Variants in SAG observed in about 807,000 individuals in gnomAD.
SAG encodes S-antigen visual arrestin, also known as S-arrestin.
Under a neutral mutation model 55.0 loss-of-function variants are expected in SAG, and 45 were observed. The observed-to-expected ratio is 0.82, with a 90% CI of 0.64 to 1.05. The LOEUF (loss-of-function observed/expected upper bound fraction) is 1.05, where lower values mean the gene tolerates loss of function less well. Among genes scored for constraint, SAG ranks in the 50% least tolerant of loss-of-function variants. The pLI is 0.00. For missense variants in SAG, 455 were observed against 512.1 expected, an observed-to-expected ratio of 0.89 and a Z score of 1.08; for synonymous variants, 189 against 197.4, an observed-to-expected ratio of 0.96 and a Z score of 0.36.
intron 11 of SAG, among the ~76,000 whole-genome samples, chr2:233,337,522 A>G (rs921220250): frequency 6.6e-6 from 1 of 152,176 alleles, no homozygotes; most frequent in South Asian, 2.1e-4. Flanking sequence ...TAAAGGTGTG[A>G]GCCACGACGT....
intron 8 of SAG, 175 bp from the exon 9 acceptor site, chr2:233,329,318 G>T (rs1333116327): frequency 1.7e-6 from 1 of 583,718 alleles, no homozygotes; most frequent in Non-Finnish European, 3.1e-6. Flanking sequence ...CCACAGATGG[G>T]TGGAATGTGT....
intron 3 of SAG, among the ~76,000 whole-genome samples, chr2:233,316,915 G>A (rs538300406): frequency 6.6e-6 from 1 of 152,294 alleles, no homozygotes; most frequent in Admixed American, 6.5e-5. Flanking sequence ...TACTTTCAAT[G>A]TAGTGGCGAG....
At chr2:233,335,139 G>A (rs200113717) in intron 11 of SAG, 40 bp downstream of exon 11, 60 of 1,589,814 alleles carry the variant, frequency 3.8e-5, no homozygotes, top group Admixed American at 3.6e-4. Context: ...CTGGCAGGGC[G>A]GGCTGGTGCT....
chr2:233,341,833 A>G (rs1408917993), intron 13 of SAG, among the ~76,000 whole-genome samples: 1 of 152,186 alleles, frequency 6.6e-6, no homozygotes, highest in African/African-American at 2.4e-5. Context: ...CTTTAAAATG[A>G]TGAAGCTGGG....
intron 2 of SAG, among the ~76,000 whole-genome samples, chr2:233,311,325 A>G (rs575150571): frequency 4.6e-5 from 7 of 152,248 alleles, no homozygotes; most frequent in Non-Finnish European, 1.0e-4. Context: ...ACACTTGACA[A>G]CATCCAGAAG....
chr2:233,308,666 A>T (rs1008832313), intron 1 of SAG, among the ~76,000 whole-genome samples: 2 of 152,028 alleles, frequency 1.3e-5, no homozygotes, highest in Non-Finnish European at 2.9e-5. Context: ...GTTTCAAATG[A>T]TCCTCTCGCT....
chr2:233,313,637 C>G (rs2125321876), intron 2 of SAG, among the ~76,000 whole-genome samples: 1 of 151,760 alleles, frequency 6.6e-6, no homozygotes, highest in South Asian at 2.1e-4. Flanking sequence ...CCTCAACCTC[C>G]TAGGCTCAAG....
chr2:233,315,859 C>T (rs1369228269), intron 2 of SAG, among the ~76,000 whole-genome samples: 6 of 151,788 alleles, frequency 4.0e-5, no homozygotes, highest in East Asian at 1.9e-4. Flanking sequence ...CGTGCCACCA[C>T]GCCCAGCTAA....
At chr2:233,312,612 T>C (rs999232665) in intron 2 of SAG, among the ~76,000 whole-genome samples, 1 of 152,242 alleles carries the variant, frequency 6.6e-6, no homozygotes, top group Non-Finnish European at 1.5e-5. Context: ...TGAGGTTCTT[T>C]AGGGCCACGT....
chr2:233,332,491 AATAG>A (rs1299267406), intron 10 of SAG: 11 of 152,240 alleles, frequency 7.2e-5, no homozygotes, highest in Non-Finnish European at 1.5e-4. Flanking sequence ...AATATAAGGT[AATAG>A]ATAGATTTTT....
At chr2:233,334,650 A>T in intron 10 of SAG, 1 of 267,302 alleles carries the variant, frequency 3.7e-6, no homozygotes, top group Non-Finnish European at 7.4e-6. Context: ...ACAAAGTCTC[A>T]GGAGGAGGCT....
At position 233,317,309 on chromosome 2, in the gene SAG, C is replaced by T. The variant is rs985178048; in HGVS notation, c.136+1174C>T. 3.9e-5 allele frequency among the ~76,000 whole-genome samples: 6 copies of T among 152,194 alleles called. No homozygotes were observed. In the East Asian group the frequency reaches 5.8e-4, roughly 15 times the overall value. Reference sequence around the variant, plus strand: ...AGCTTTATTTGTGGTAGCTCCAAACCGGAAAGAACCAAAATGTTTCTCAGA... The same window carrying T: ...AGCTTTATTTGTGGTAGCTCCAAACTGGAAAGAACCAAAATGTTTCTCAGA... On this transcript the variant is annotated intron_variant, in intron 3 of 15. Coordinates refer to ENST00000409110, the MANE Select transcript of SAG (RefSeq NM_000541.5).
chr2:233,308,181 C>T (rs1372474149), intron 1 of SAG, among the ~76,000 whole-genome samples, 159 bp downstream of exon 1: 2 of 152,172 alleles, frequency 1.3e-5, no homozygotes, highest in East Asian at 3.8e-4. Flanking sequence ...TTGGAGTGAG[C>T]GGGTGCAATG....
chr2:233,331,591 G>A (rs752871549), intron 9 of SAG, 49 bp from the exon 10 acceptor site: 6 of 1,213,094 alleles, frequency 4.9e-6, no homozygotes, highest in South Asian at 1.2e-5. Flanking sequence ...GAAAGTGCAC[G>A]TGTTGGGGGA....
chr2:233,315,936 G>A (rs1441684817), intron 2 of SAG, 139 bp from the exon 3 acceptor site: 43 of 606,032 alleles, frequency 7.1e-5, no homozygotes, highest in Non-Finnish European at 1.1e-4. Context: ...TCCTGACCTC[G>A]TGATCCGCCC....
chr2:233,322,519 G>A (rs1033525571), intron 5 of SAG, among the ~76,000 whole-genome samples: 3 of 152,162 alleles, frequency 2.0e-5, no homozygotes, highest in African/African-American at 4.8e-5. Context: ...ATTTGGGCGT[G>A]GCCAGTTGCA....
chr2:233,344,512 C>A (rs1200719758), intron 14 of SAG: 1 of 152,158 alleles, frequency 6.6e-6, no homozygotes, highest in Admixed American at 6.6e-5. Context: ...ACAACTTTCA[C>A]GTTCCAGTCA....
intron 11 of SAG, 145 bp downstream of exon 11, chr2:233,335,244 G>T (rs1700888099): frequency 9.1e-7 from 1 of 1,098,934 alleles, no homozygotes; most frequent in East Asian, 2.6e-5. Flanking sequence ...ATATCTACGG[G>T]CCCACACAAG....
chr2:233,345,194 G>A (rs1054302373), intron 14 of SAG: 35 of 152,336 alleles, frequency 2.3e-4, no homozygotes, highest in African/African-American at 7.9e-4. Context: ...ATAGCAGTTA[G>A]TCTGGGGATA....
Sources: allele counts gnomAD v4.1 joint callset (sites outside exome capture counted in the v4.1 genomes callset), GRCh38; gene constraint gnomAD v4.1.1; transcripts MANE v1.5; gene names NCBI Gene and HGNC (gene_info 2026-07-23, HGNC 2026-07-21).